Variants in SLC39A11 observed in about 807,000 individuals in gnomAD.
SLC39A11 encodes solute carrier family 39 member 11.
A neutral mutation model predicts 36.1 loss-of-function variants in SLC39A11; 33 were observed. The ratio of observed to expected loss-of-function variants is 0.91; its 90% CI spans 0.69 to 1.22. The LOEUF is 1.22. Ranked by LOEUF, SLC39A11 falls within the 50% of genes most tolerant of loss-of-function variation. SLC39A11 has a pLI of 0.00. For missense variants in SLC39A11, 432 were observed against 430.3 expected (o/e 1.00, Z -0.03); for synonymous variants, 166 against 170.3 (o/e 0.97, Z 0.20).
intron 5 of SLC39A11, among the ~76,000 whole-genome samples, chr17:72,882,699 T>C (rs902737518): frequency 3.3e-5 from 5 of 152,180 alleles, no homozygotes; most frequent in African/African-American, 1.2e-4. Flanking sequence ...GGAACTCTAA[T>C]CATTGGCAAG....
intron 6 of SLC39A11, among the ~76,000 whole-genome samples, chr17:72,846,018 C>CTCTTTTTTTTTT (rs2079035587): frequency 5.3e-4 from 31 of 57,958 alleles, no homozygotes; most frequent in Non-Finnish European, 8.2e-4. Flanking sequence ...CTCTCTCTCT[C>CTCTTTTTTTTTT]TTTTTTTTTT....
rs2076443881 is a variant in SLC39A11, at chr17:72,784,724, T to C, written c.602-48005A>G. On this transcript the variant is annotated intron_variant, in intron 6 of 9. Coordinates refer to ENST00000255559, the MANE Select transcript of SLC39A11 (RefSeq NM_139177.4). ...TCTCGCTCTTGCTTTTGCCATGTGA[T>C]ATGCCTGCTCCCCCTTCACCTTCTG... 2.0e-5 allele frequency among the ~76,000 whole-genome samples: 3 copies of C among 152,146 alleles called. 1 individual carries two copies. Among genetic ancestry groups the C allele is most frequent in the Admixed American group, 2.0e-4 (3 of 15,272 alleles).
intron 6 of SLC39A11, among the ~76,000 whole-genome samples, chr17:72,779,539 G>T (rs960065621): frequency 2.0e-5 from 3 of 152,142 alleles, no homozygotes; most frequent in African/African-American, 7.2e-5. Context: ...TCCTTTCCTG[G>T]CTTCTGCTTC....
chr17:73,024,042 C>A (rs551398274), intron 4 of SLC39A11, among the ~76,000 whole-genome samples: 216 of 152,320 alleles, frequency 1.4e-3, no homozygotes, highest in Non-Finnish European at 2.7e-3. Context: ...TTAAGCCAAC[C>A]CTGTATGTAG....
intron 5 of SLC39A11, among the ~76,000 whole-genome samples, chr17:72,924,632 A>G (rs2083922430): frequency 6.6e-6 from 1 of 152,116 alleles, no homozygotes; most frequent in African/African-American, 2.4e-5. Flanking sequence ...CCCAATGAAG[A>G]TATATTCTCT....
At chr17:72,859,370 G>A (rs374972606) in intron 5 of SLC39A11, among the ~76,000 whole-genome samples, 31 of 152,260 alleles carry the variant, frequency 2.0e-4, no homozygotes, top group African/African-American at 7.2e-4. Context: ...TATTGCATGG[G>A]ATCTACTTAT....
At chr17:72,724,328 T>C (rs1232089622) in intron 7 of SLC39A11, among the ~76,000 whole-genome samples, 2 of 152,128 alleles carry the variant, frequency 1.3e-5, no homozygotes, top group South Asian at 4.1e-4. Context: ...AGTTTTCTAT[T>C]GCAATGCACA....
chr17:72,652,631 C>A (rs1432147077), intron 7 of SLC39A11, among the ~76,000 whole-genome samples: 5 of 152,174 alleles, frequency 3.3e-5, no homozygotes, highest in African/African-American at 7.2e-5. Flanking sequence ...ACTCATGCGT[C>A]CTCTTTCCAA....
chr17:72,783,014 A>AAG (rs2076378717), intron 6 of SLC39A11, among the ~76,000 whole-genome samples: 1 of 151,406 alleles, frequency 6.6e-6, no homozygotes, highest in Non-Finnish European at 1.5e-5. Flanking sequence ...CAAAAAAAAA[A>AAG]AAAAAAAAGA....
At chr17:72,746,672 A>G (rs1405112717) in intron 6 of SLC39A11, among the ~76,000 whole-genome samples, 5 of 152,192 alleles carry the variant, frequency 3.3e-5, no homozygotes, top group Non-Finnish European at 7.3e-5. Context: ...CAGGAGGCGG[A>G]GCTTGCAGTG....
At chr17:72,811,433 T>G (rs376756443) in intron 6 of SLC39A11, among the ~76,000 whole-genome samples, 1 of 152,216 alleles carries the variant, frequency 6.6e-6, no homozygotes, top group Non-Finnish European at 1.5e-5. Context: ...GTTTATAATT[T>G]TAAAGCTTTG....
rs1294497059 is a variant in SLC39A11 at position 72,648,833 on chromosome 17, A to G, written c.899T>C (p.Met300Thr). The G allele has an allele frequency of 1.2e-5, 19 of 1,614,182 alleles. No homozygotes were observed. The highest frequency in any genetic ancestry group is 1.5e-5 in the Non-Finnish European group (18 of 1,180,030). ...CTGGGCTTCGGGGATGATGTCGTCCATGACCACGTAGACCATGGCACCGGC... is the reference window on the plus strand; with the variant it reads ...CTGGGCTTCGGGGATGATGTCGTCCGTGACCACGTAGACCATGGCACCGGC... Reference protein sequence around the residue: ...FAAGAMVYVVMDDIIPEAQIS... With the variant: ...FAAGAMVYVVTDDIIPEAQIS... The change falls in exon 9 of 10, where the codon ATG (methionine) becomes ACG (threonine). Residue 300 changes from methionine (M) to threonine (T), a missense_variant. Physicochemically the swap from Met to Thr is moderately conservative, Grantham distance 81 (BLOSUM62 -1). Transcript: ENST00000255559.
At chr17:73,081,290 G>A (rs2060501712) in intron 3 of SLC39A11, among the ~76,000 whole-genome samples, 1 of 152,066 alleles carries the variant, frequency 6.6e-6, no homozygotes, top group Admixed American at 6.6e-5. Context: ...ACTCCTGCAA[G>A]AATGACCATA....
chr17:72,942,721 C>T (rs191586154), intron 5 of SLC39A11, among the ~76,000 whole-genome samples: 89 of 152,270 alleles, frequency 5.8e-4, no homozygotes, highest in African/African-American at 1.9e-3. Flanking sequence ...GCAGTTTTAG[C>T]GCCAAGGAAA....
intron 7 of SLC39A11, among the ~76,000 whole-genome samples, chr17:72,653,161 C>G (rs1161497254): frequency 2.0e-5 from 3 of 149,338 alleles, no homozygotes; most frequent in South Asian, 4.2e-4. Flanking sequence ...CTAGAGTGCA[C>G]TGGCACGATC....
chr17:72,827,016 T>C (rs1222918100), intron 6 of SLC39A11, among the ~76,000 whole-genome samples: 6 of 152,074 alleles, frequency 3.9e-5, no homozygotes, highest in Admixed American at 3.9e-4. Context: ...CCAAGAGAAA[T>C]GAAAATGCCG....
intron 7 of SLC39A11, among the ~76,000 whole-genome samples, chr17:72,671,634 T>A (rs1156978880): frequency 6.6e-6 from 1 of 152,070 alleles, no homozygotes; most frequent in Non-Finnish European, 1.5e-5. Flanking sequence ...GGCAGGAGAA[T>A]CGTTTGAACC....
At chr17:72,835,493 C>T (rs2078489117) in intron 6 of SLC39A11, among the ~76,000 whole-genome samples, 1 of 152,206 alleles carries the variant, frequency 6.6e-6, no homozygotes, top group African/African-American at 2.4e-5. Context: ...ACAGGTCTTG[C>T]TCTGTCACCC....
chr17:72,689,763 T>A (rs886392102), intron 7 of SLC39A11, among the ~76,000 whole-genome samples: 1 of 151,972 alleles, frequency 6.6e-6, no homozygotes, highest in African/African-American at 2.4e-5. Context: ...CAACGGTAGA[T>A]GGATTTGTGG....
Sources: gnomAD v4.1 joint callset for allele counts (sites outside exome capture counted in the v4.1 genomes callset) on GRCh38, gnomAD v4.1.1 for gene constraint, MANE v1.5 for transcripts, NCBI Gene and HGNC (gene_info 2026-07-23, HGNC 2026-07-21) for gene names.